The following ZNF736 variants were observed in gnomAD, a reference collection of about 807,000 sequenced individuals.
ZNF736 encodes zinc finger protein 736, also known as KRAB-containing zinc-finger repressor protein.
A neutral mutation model predicts 11.7 loss-of-function variants in ZNF736; 6 were observed. The observed-to-expected ratio is 0.51, with a 90% CI of 0.28 to 1.01. The LOEUF is 1.01. Among genes scored for constraint, ZNF736 ranks in the 50% least tolerant of loss-of-function variants. The probability of loss-of-function intolerance (pLI) is 0.09; values close to 1 mark genes in which losing one functional copy is unlikely to be tolerated. For missense variants in ZNF736, 444 were observed against 496.0 expected, an observed-to-expected ratio of 0.90 and a Z score of 1.00; for synonymous variants, 139 against 164.7, an observed-to-expected ratio of 0.84 and a Z score of 1.19.
chr7:64,345,439 G>A (rs1012556618), intron 3 of ZNF736, among the ~76,000 whole-genome samples: 1 of 152,040 alleles, frequency 6.6e-6, no homozygotes, highest in African/African-American at 2.4e-5. Context: ...ATGCTCAAAA[G>A]TGTGTTGTTG....
chr7:64,333,741 T>C (rs185821442), intron 1 of ZNF736, among the ~76,000 whole-genome samples: 29 of 152,296 alleles, frequency 1.9e-4, no homozygotes, highest in African/African-American at 6.7e-4. Flanking sequence ...ATAGATTCGA[T>C]GCTATTCCCA....
chr7:64,326,089 T>C (rs914019004), intron 1 of ZNF736, among the ~76,000 whole-genome samples: 2 of 152,190 alleles, frequency 1.3e-5, no homozygotes, highest in African/African-American at 4.8e-5. Context: ...GGGTATCACA[T>C]TGTGGTTTAA....
chr7:64,316,171 G>A (rs556400474), intron 1 of ZNF736, among the ~76,000 whole-genome samples: 1 of 152,330 alleles, frequency 6.6e-6, no homozygotes, highest in African/African-American at 2.4e-5. Flanking sequence ...TAGCCCCTGG[G>A]TCATCTCCTT....
chr7:64,356,120 C>G lies in ZNF736; in HGVS notation c.*6973C>G, dbSNP rs1789550762. 6.6e-6 allele frequency: 1 copy of G among 152,376 alleles called. No homozygotes were observed. The allele number at this position is 152,376 out of a possible 1,614,324, so 9.4% of individuals were successfully genotyped here. A position where few individuals can be genotyped will look rare whatever the true frequency, so the allele number is the denominator to read the frequency against. Reference sequence around the variant, plus strand: ...TTCTGTATATTTTAATGATCTTTCACAAGAGCTGTTTGGCCTTATTTCTAT... The same window carrying G: ...TTCTGTATATTTTAATGATCTTTCAGAAGAGCTGTTTGGCCTTATTTCTAT... On this transcript the variant is annotated 3_prime_UTR_variant, in exon 4 of 4. Transcript: ENST00000423484.
intron 1 of ZNF736, among the ~76,000 whole-genome samples, chr7:64,333,921 G>A (rs1789209124): frequency 6.6e-6 from 1 of 152,146 alleles, no homozygotes; most frequent in Non-Finnish European, 1.5e-5. Flanking sequence ...AACCAAAACA[G>A]CATGGTACTG....
At chr7:64,319,333 G>GTATATATATATATATA (rs71060585) in intron 1 of ZNF736, among the ~76,000 whole-genome samples, 2 of 71,638 alleles carry the variant, frequency 2.8e-5, no homozygotes, top group East Asian at 6.6e-4. Flanking sequence ...GTGTGTATGT[G>GTATATATATATATATA]TATATATATA....
At chr7:64,343,953 C>CTTTTTTTTTTTTTTTTTTTTT (rs142010013) in intron 3 of ZNF736, among the ~76,000 whole-genome samples, 1 of 147,982 alleles carries the variant, frequency 6.8e-6, no homozygotes. Context: ...TGTATATTTG[C>CTTTTTTTTTTTTTTTTTTTTT]TTTTTTTTTT....
In ZNF736 at chr7:64,321,124, C is replaced by T. The variant is rs1788996352; in HGVS notation, c.3+6971C>T. On this transcript the variant is annotated intron_variant, in intron 1 of 3. Coordinates refer to ENST00000423484, the MANE Select transcript of ZNF736 (RefSeq NM_001170905.3). ...GAGCATCACTCCTCAAGGTGTCACC[C>T]AAGAGTTGCTGATTATAGTGCTGGG... 2.0e-5 allele frequency among the ~76,000 whole-genome samples: 3 copies of T among 152,252 alleles called. 1 individual carries two copies. In the South Asian group the frequency reaches 6.2e-4, roughly 32 times the overall value.
At position 64,352,759 on chromosome 7, in the gene ZNF736, G is replaced by A. The variant is rs1205743242; in HGVS notation, c.*3612G>A. The A allele has an allele frequency of 3.9e-5, 6 of 152,260 alleles. No homozygotes were observed. In the East Asian group the frequency reaches 9.6e-4, roughly 24 times the overall value. The allele number at this position is 152,260 out of a possible 1,614,324, so 9.4% of individuals were successfully genotyped here. ...TCCTTTCCGCCCCCCGGTCAGCTTG[G>A]GCTCTTCAAAGCCTGAAGGCTGGAA... On this transcript the variant is annotated 3_prime_UTR_variant, in exon 4 of 4. Coordinates refer to ENST00000423484, the MANE Select transcript of ZNF736 (RefSeq NM_001170905.3).
chr7:64,348,583 C>A lies in ZNF736; in HGVS notation c.720C>A (p.Cys240Ter), dbSNP rs188732418. ...AAGGATGTGGCAAAACTTTTACCTG[C>A]TCCTCAACCCTTGTTAAACACAAGA... Reference protein sequence around the residue: ...KCEGCGKTFTCSSTLVKHKRN... With the variant: ...KCEGCGKTFT Residue 240 changes from cysteine (C) to a stop codon, truncating the protein, a stop_gained, in exon 4 of 4, where the codon TGC (cysteine) becomes TGA (stop). Coordinates refer to ENST00000423484, the MANE Select transcript of ZNF736 (RefSeq NM_001170905.3). LOFTEE classifies it low-confidence loss of function (END_TRUNC). The A allele has an allele frequency of 1.3e-6, 2 of 1,590,984 alleles. No individual in the cohort carries two copies. The highest frequency in any genetic ancestry group is 1.7e-6 in the Non-Finnish European group (2 of 1,168,480).
At chr7:64,330,974 G>T (rs538268692) in intron 1 of ZNF736, among the ~76,000 whole-genome samples, 1 of 152,298 alleles carries the variant, frequency 6.6e-6, no homozygotes, top group South Asian at 2.1e-4. Context: ...CAAGTAGAAA[G>T]AAAGATTTTC....
rs1788875797 is a variant in ZNF736, at chr7:64,314,062, G to A, written c.-89G>A. 5 of 1,529,926 alleles carry A rather than the reference G, an allele frequency of 3.3e-6. No individual in the cohort carries two copies. In the South Asian group the frequency reaches 4.8e-5, roughly 15 times the overall value. 94.8% of individuals were successfully genotyped at this position (1,529,926 alleles called of 1,614,324 possible). ...ATCTCCTCCGTTCCTGGAGTTCCTC[G>A]GTGACTCTACTATAGCTTCTGTTAT... On this transcript the variant is annotated 5_prime_UTR_variant, in exon 1 of 4. Coordinates refer to ENST00000423484, the MANE Select transcript of ZNF736 (RefSeq NM_001170905.3).
At position 64,348,892 on chromosome 7, in the gene ZNF736, T is replaced by G. The variant is rs772527696; in HGVS notation, c.1029T>G (p.Cys343Trp). Residue 343 changes from cysteine (C) to tryptophan (W), a missense_variant, in exon 4 of 4, where the codon TGT becomes TGG. Physicochemically the swap from Cys to Trp is radical, Grantham distance 215 (BLOSUM62 -2). Coordinates refer to ENST00000423484, the MANE Select transcript of ZNF736 (RefSeq NM_001170905.3). Reference protein sequence around the residue: ...RIHTGEKPYICEECGKAFTRS... With the variant: ...RIHTGEKPYIWEECGKAFTRS... ...ATACTGGAGAGAAACCCTACATCTG[T>G]GAAGAATGTGGCAAAGCCTTTACCC... 1.9e-6 allele frequency: 3 copies of G among 1,608,706 alleles called. No homozygotes were observed. In the South Asian group the frequency reaches 3.3e-5, roughly 18 times the overall value.
chr7:64,319,220 G>T (rs1267356670), intron 1 of ZNF736, among the ~76,000 whole-genome samples: 5 of 150,824 alleles, frequency 3.3e-5, no homozygotes, highest in African/African-American at 1.2e-4. Context: ...GACCTTATAT[G>T]GGAAAACCAT....
intron 1 of ZNF736, among the ~76,000 whole-genome samples, chr7:64,330,751 T>C (rs560863905): frequency 6.6e-6 from 1 of 152,302 alleles, no homozygotes; most frequent in East Asian, 1.9e-4. Context: ...AAGGGCTCTT[T>C]ACTCAGCAGG....
At chr7:64,323,852 CT>C (rs1309834189) in intron 1 of ZNF736, among the ~76,000 whole-genome samples, 1 of 152,122 alleles carries the variant, frequency 6.6e-6, no homozygotes, top group Non-Finnish European at 1.5e-5. Context: ...TGTAACAAAC[CT>C]GCACATCCTG....
At chr7:64,347,428 G>A (rs1175162941) in intron 3 of ZNF736, among the ~76,000 whole-genome samples, 1 of 151,918 alleles carries the variant, frequency 6.6e-6, no homozygotes, top group African/African-American at 2.4e-5. Flanking sequence ...GTTTCACCAT[G>A]TTGGCCTGTC....
At chr7:64,341,560 G>A (rs1332003161) in intron 3 of ZNF736, among the ~76,000 whole-genome samples, 1 of 152,002 alleles carries the variant, frequency 6.6e-6, no homozygotes, top group Non-Finnish European at 1.5e-5. Context: ...GATGACTGTG[G>A]CATGGCAGTT....
At chr7:64,332,684 C>A (rs1036008687) in intron 1 of ZNF736, among the ~76,000 whole-genome samples, 1 of 152,252 alleles carries the variant, frequency 6.6e-6, no homozygotes, top group East Asian at 1.9e-4. Flanking sequence ...CAGTCCTTAT[C>A]TCAACCACAC....
Sources: allele counts gnomAD v4.1 joint callset (sites outside exome capture counted in the v4.1 genomes callset), GRCh38; gene constraint gnomAD v4.1.1; transcripts MANE v1.5; gene names NCBI Gene and HGNC (gene_info 2026-07-23, HGNC 2026-07-21).